The following FITM1 variants were observed in gnomAD, a reference collection of about 807,000 sequenced individuals.
FITM1 encodes the protein fat storage-inducing transmembrane protein 1.
Under a neutral mutation model 22.2 loss-of-function variants are expected in FITM1, and 11 were observed. The ratio of observed to expected loss-of-function variants is 0.50; its 90% CI spans 0.31 to 0.82. The LOEUF is 0.82. Ranked by LOEUF, FITM1 falls within the 40% of genes least tolerant of loss-of-function variation. The probability of loss-of-function intolerance (pLI) is 0.04; values close to 1 mark genes in which losing one functional copy is unlikely to be tolerated. For missense variants in FITM1, 394 were observed against 386.4 expected, an observed-to-expected ratio of 1.02 and a Z score of -0.17; for synonymous variants, 164 against 174.0, an observed-to-expected ratio of 0.94 and a Z score of 0.45.
chr14:24,132,595 A>T lies in FITM1; in HGVS notation c.651A>T (p.Pro217=). 6.2e-7 allele frequency: 1 copy of T among 1,611,120 alleles called. No homozygotes were observed. Residue 217 remains proline (P), a synonymous_variant, in exon 2 of 2, where the codon CCA becomes CCT. Coordinates refer to ENST00000267426, the MANE Select transcript of FITM1 (RefSeq NM_203402.3). The part of the protein sequence containing the change: ...YLAHGLPAGA[P]LRLVFLLNVL... ...CCCATGGGCTTCCTGCCGGCGCCCC[A>T]CTGCGCCTTGTCTTCCTGCTGAACG... is the stretch of plus-strand genomic sequence containing the variant.
Position 24,132,296 on chromosome 14 carries a change from G to C in FITM1, c.352G>C (p.Val118Leu). The C allele has an allele frequency of 1.2e-6, 2 of 1,613,968 alleles. No individual in the cohort carries two copies. The highest frequency in any genetic ancestry group is 1.7e-6 in the Non-Finnish European group (2 of 1,179,914). The change falls in exon 2 of 2, where the codon GTG (valine) becomes CTG (leucine). Residue 118 changes from valine to leucine, a missense_variant. Transcript: ENST00000267426. ...LLVVFLATRR[V>L]AVTARHLSRL... ...GGTGGTGTTCCTGGCTACACGGCGC[G>C]TGGCAGTAACTGCCAGACACCTGAG...
At position 24,130,839 on chromosome 14, in the gene FITM1, T is replaced by G. The variant is rs988269790; in HGVS notation, c.-725T>G. On this transcript the variant is annotated 5_prime_UTR_variant, in exon 1 of 2. Coordinates refer to ENST00000267426, the MANE Select transcript of FITM1 (RefSeq NM_203402.3). Reference sequence around the variant, plus strand: ...TGTCACCTGGGAGTAAACCTAATCTTTAGGGATCTGAGGGTCAACGTGATC... The same window carrying G: ...TGTCACCTGGGAGTAAACCTAATCTGTAGGGATCTGAGGGTCAACGTGATC... 3.9e-5 allele frequency among the ~76,000 whole-genome samples: 6 copies of G among 152,294 alleles called. No individual in the cohort carries two copies. Among genetic ancestry groups the G allele is most frequent in the Non-Finnish European group, 5.9e-5 (4 of 68,020 alleles).
In FITM1 at chr14:24,131,354, C is replaced by G; in HGVS notation, c.-210C>G. On this transcript the variant is annotated 5_prime_UTR_variant, in exon 1 of 2. Transcript: ENST00000267426. The stretch of plus-strand genomic sequence containing the variant: ...ACTGCTGTCAGGACACATACTACCA[C>G]ACACCCGAGGCCAGGACCCTGCTGA... 1 of 693,496 alleles carries G rather than the reference C, an allele frequency of 1.4e-6. No homozygotes were observed. The highest frequency in any genetic ancestry group is 2.6e-6 in the Non-Finnish European group (1 of 380,684). The allele number at this position is 693,496 out of a possible 1,614,324, so 43.0% of individuals were successfully genotyped here. A position where few individuals can be genotyped will look rare whatever the true frequency, so the allele number is the denominator to read the frequency against.
In FITM1 at chr14:24,131,828, A is replaced by G. The variant is rs1435758973; in HGVS notation, c.265A>G (p.Ile89Val). Residue 89 changes from isoleucine to valine, a missense_variant and splice_region_variant, in exon 1 of 2, where the codon ATA (isoleucine) becomes GTA (valine). By Grantham distance (29) the Ile-to-Val change is conservative. Coordinates refer to ENST00000267426, the MANE Select transcript of FITM1 (RefSeq NM_203402.3). ...CGCCAGCCACGGCAACTTCTTCAAC[A>G]TGTGAGTCCACTCAAGGCTGTGGGA... ...IFASHGNFFN[I>V]KFVNSAWGWT... is the part of the protein sequence containing the mutation. 2.5e-6 allele frequency: 4 copies of G among 1,579,964 alleles called. No individual in the cohort carries two copies. The highest frequency in any genetic ancestry group is 1.7e-5 in the Admixed American group (1 of 57,806).
At chr14:24,131,939 G>C in intron 1 of FITM1, 110 bp downstream of exon 1, 1 of 1,456,300 alleles carries the variant, frequency 6.9e-7, no homozygotes, top group Non-Finnish European at 9.1e-7. Flanking sequence ...TAGGCTAGGA[G>C]GTTGAGGAAA....
chr14:24,132,031 G>A (rs552836419), intron 1 of FITM1, 180 bp from the exon 2 acceptor site: 7 of 1,192,760 alleles, frequency 5.9e-6, no homozygotes, highest in Admixed American at 2.9e-5. Flanking sequence ...TATGGACCCT[G>A]GAATGCTGAA....
At chr14:24,131,969 G>A in intron 1 of FITM1, 140 bp downstream of exon 1, 1 of 1,335,936 alleles carries the variant, frequency 7.5e-7, no homozygotes, top group Non-Finnish European at 1.0e-6. Flanking sequence ...GAGGGGGAAG[G>A]GAACAGAGCC....
In FITM1 at chr14:24,132,388, G is replaced by A; in HGVS notation, c.444G>A (p.Leu148=). 5 of 1,612,362 alleles carry A rather than the reference G, an allele frequency of 3.1e-6. No individual in the cohort carries two copies. Among genetic ancestry groups the A allele is most frequent in the Non-Finnish European group, 4.2e-6 (5 of 1,179,616 alleles). ...GGGCCTTCCTGCTCATCGAGGACCT[G>A]ACTGGCTCCTGCTTCGAGCCACTGC... ...AGRAFLLIED[L]TGSCFEPLPQ... The change falls in exon 2 of 2, where the codon CTG becomes CTA. Residue 148 remains leucine (L), a synonymous_variant. Coordinates refer to ENST00000267426, the MANE Select transcript of FITM1 (RefSeq NM_203402.3).
Position 24,132,355 on chromosome 14 carries a change from A to T in FITM1, c.411A>T (p.Gly137=). The change falls in exon 2 of 2, where the codon GGA becomes GGT. Residue 137 remains glycine, a synonymous_variant. Coordinates refer to ENST00000267426, the MANE Select transcript of FITM1 (RefSeq NM_203402.3). ...RLVVGAAVWR[G]AGRAFLLIED... is the part of the protein sequence containing the mutation. ...TAGTAGGGGCAGCCGTGTGGCGGGG[A>T]GCCGGCCGGGCCTTCCTGCTCATCG... The T allele has an allele frequency of 6.2e-7, 1 of 1,613,510 alleles. No homozygotes were observed. Among genetic ancestry groups the T allele is most frequent in the Non-Finnish European group, 8.5e-7 (1 of 1,179,890 alleles).
Position 24,132,653 on chromosome 14 carries a change from C to G in FITM1, c.709C>G (p.Leu237Val), listed in dbSNP as rs1000129518. ...LLLGLWNFLL[L>V]CTVIYFHQYT... is the part of the protein sequence containing the mutation. ...GCTGGGCCTCTGGAACTTCTTGCTG[C>G]TCTGTACCGTCATCTATTTCCACCA... The change falls in exon 2 of 2, where the codon CTC becomes GTC. Residue 237 changes from leucine (L) to valine (V), a missense_variant. Leu to Val is a conservative substitution (Grantham distance 32, BLOSUM62 1). Transcript: ENST00000267426. 1.5e-5 allele frequency: 25 copies of G among 1,613,668 alleles called. No homozygotes were observed. The highest frequency in any genetic ancestry group is 2.0e-5 in the Non-Finnish European group (24 of 1,180,048).
Position 24,131,798 on chromosome 14 carries a change from A to G in FITM1, c.235A>G (p.Ile79Val), listed in dbSNP as rs1308055388. 4 of 1,600,570 alleles carry G rather than the reference A, an allele frequency of 2.5e-6. No homozygotes were observed. The highest frequency in any genetic ancestry group is 3.4e-6 in the Non-Finnish European group (4 of 1,171,686). Residue 79 changes from isoleucine to valine, a missense_variant, in exon 1 of 2, where the codon ATC (isoleucine) becomes GTC (valine). Transcript: ENST00000267426. ...GCAGTTCCATGTCAACCCTCGGACT[A>G]TCTTCGCCAGCCACGGCAACTTCTT... ...LLQFHVNPRT[I>V]FASHGNFFNI...
At position 24,131,643 on chromosome 14, in the gene FITM1, T is replaced by C; in HGVS notation, c.80T>C (p.Val27Ala). The C allele has an allele frequency of 6.2e-7, 1 of 1,613,290 alleles. No individual in the cohort carries two copies. Among genetic ancestry groups the C allele is most frequent in the Admixed American group, 1.7e-5 (1 of 59,994 alleles). ...IQALLGCLLKVLLWVASALLY... is the reference protein window; with the variant it reads ...IQALLGCLLKALLWVASALLY... ...GCACTGCTGGGCTGCCTGCTCAAGG[T>C]GCTGCTCTGGGTGGCCTCTGCCTTG... is the stretch of plus-strand genomic sequence containing the variant. Residue 27 changes from valine to alanine, a missense_variant, in exon 1 of 2, where the codon GTG becomes GCG. Coordinates refer to ENST00000267426, the MANE Select transcript of FITM1 (RefSeq NM_203402.3).
chr14:24,132,440 C>A lies in FITM1; in HGVS notation c.496C>A (p.Pro166Thr). 1 of 1,606,956 alleles carries A rather than the reference C, an allele frequency of 6.2e-7. No homozygotes were observed. Among genetic ancestry groups the A allele is most frequent in the Non-Finnish European group, 8.5e-7 (1 of 1,179,664 alleles). ...CCAGGGTCTGCTGCTCCACGAGCTG[C>A]CTGACCGCCGCAGCTGCCTGGCAGC... ...LPQGLLLHEL[P>T]DRRSCLAAGH... Residue 166 changes from proline (P) to threonine (T), a missense_variant, in exon 2 of 2, where the codon CCT (proline) becomes ACT (threonine). Physicochemically the swap from Pro to Thr is conservative, Grantham distance 38 (BLOSUM62 -1). Coordinates refer to ENST00000267426, the MANE Select transcript of FITM1 (RefSeq NM_203402.3).
rs764155929 is a variant in FITM1 at position 24,131,714 on chromosome 14, T to C, written c.151T>C (p.Cys51Arg). The change falls in exon 1 of 2, where the codon TGC (cysteine) becomes CGC (arginine). Residue 51 changes from cysteine (C) to arginine (R), a missense_variant. Coordinates refer to ENST00000267426, the MANE Select transcript of FITM1 (RefSeq NM_203402.3). ...EQAARLLGSP[C>R]LRRLYHAWLA... ...GGCCGCCCGCCTTCTGGGCAGCCCC[T>C]GCTTACGGCGCCTCTACCATGCCTG... is the stretch of plus-strand genomic sequence containing the variant. 6.2e-7 allele frequency: 1 copy of C among 1,614,204 alleles called. No homozygotes were observed. The highest frequency in any genetic ancestry group is 1.7e-5 in the Admixed American group (1 of 60,028).
rs1178968771 is a variant in FITM1, at chr14:24,131,722, G to T, written c.159G>T (p.Arg53=). The T allele has an allele frequency of 1.9e-6, 3 of 1,614,176 alleles. No homozygotes were observed. Among genetic ancestry groups the T allele is most frequent in the Non-Finnish European group, 2.5e-6 (3 of 1,180,036 alleles). The part of the protein sequence containing the change: ...AARLLGSPCL[R]RLYHAWLAAV... ...GCCTTCTGGGCAGCCCCTGCTTACG[G>T]CGCCTCTACCATGCCTGGCTGGCAG... The change falls in exon 1 of 2, where the codon CGG becomes CGT. Residue 53 remains arginine (R), a synonymous_variant. Transcript: ENST00000267426.
chr14:24,130,789 G>A lies in FITM1; in HGVS notation c.-775G>A, dbSNP rs1371643102. ...TTCAATTGACTCCTGTCTGGCAATT[G>A]CCCTTTTAGGGTCTCCTCTACCTCT... is the stretch of plus-strand genomic sequence containing the variant. On this transcript the variant is annotated 5_prime_UTR_variant, in exon 1 of 2. Transcript: ENST00000267426. Among the ~76,000 whole-genome samples the A allele has an allele frequency of 1.3e-5, 2 of 152,184 alleles. No individual in the cohort carries two copies. Among genetic ancestry groups the A allele is most frequent in the Non-Finnish European group, 2.9e-5 (2 of 68,032 alleles).
rs2037819767 is a variant in FITM1, at chr14:24,131,372, C to T, written c.-192C>T. ...ACTACCACACACCCGAGGCCAGGAC[C>T]CTGCTGACGTGGCAGACCTCCACCC... On this transcript the variant is annotated 5_prime_UTR_variant, in exon 1 of 2. Transcript: ENST00000267426. 1 of 702,746 alleles carries T rather than the reference C, an allele frequency of 1.4e-6. No homozygotes were observed. Among genetic ancestry groups the T allele is most frequent in the East Asian group, 2.7e-5 (1 of 37,308 alleles). The allele number at this position is 702,746 out of a possible 1,614,324, so 43.5% of individuals were successfully genotyped here.
intron 1 of FITM1, 160 bp from the exon 2 acceptor site, chr14:24,132,051 A>C: frequency 8.1e-7 from 1 of 1,232,624 alleles, no homozygotes; most frequent in East Asian, 2.4e-5. Flanking sequence ...ATTGTCTTCC[A>C]AGGAGATAGC....
rs150931777 is a variant in FITM1, at chr14:24,131,683, C to T, written c.120C>T (p.Ser40=). 6.5e-4 allele frequency: 1,043 copies of T among 1,613,980 alleles called. 1 individual carries two copies. Among genetic ancestry groups the T allele is most frequent in the Non-Finnish European group, 8.6e-4 (1,011 of 1,180,036 alleles). Residue 40 remains serine, a synonymous_variant, in exon 1 of 2, where the codon AGC becomes AGT. Coordinates refer to ENST00000267426, the MANE Select transcript of FITM1 (RefSeq NM_203402.3). ...CCTCTGCCTTGCTGTACTTTGGAAG[C>T]GAACAGGCCGCCCGCCTTCTGGGCA... ...WVASALLYFG[S]EQAARLLGSP...
Sources: gnomAD v4.1 joint callset for allele counts (sites outside exome capture counted in the v4.1 genomes callset) on GRCh38, gnomAD v4.1.1 for gene constraint, MANE v1.5 for transcripts, NCBI Gene and HGNC (gene_info 2026-07-23, HGNC 2026-07-21) for gene names.